Variants in TMEM132B observed in about 807,000 individuals in gnomAD.
TMEM132B encodes the protein transmembrane protein 132B.
Under a neutral mutation model 90.8 loss-of-function variants are expected in TMEM132B, and 18 were observed. The ratio of observed to expected loss-of-function variants is 0.20; its 90% CI spans 0.14 to 0.29. TMEM132B has a LOEUF of 0.29. TMEM132B is among the 10% of genes least tolerant of loss of function. The probability of loss-of-function intolerance (pLI) is 1.00; values close to 1 mark genes in which losing one functional copy is unlikely to be tolerated. For synonymous variants in TMEM132B, 504 were observed against 523.3 expected, an observed-to-expected ratio of 0.96 and a Z score of 0.50; for missense variants, 1,096 against 1,326.8, an observed-to-expected ratio of 0.83 and a Z score of 2.70.
chr12:125,417,396 G>A (rs1880046954), intron 3 of TMEM132B, among the ~76,000 whole-genome samples: 1 of 152,200 alleles, frequency 6.6e-6, no homozygotes, highest in Non-Finnish European at 1.5e-5. Context: ...GCTTTGTAGT[G>A]GGAAATGGTC....
At chr12:125,442,007 T>C (rs1367545760) in intron 3 of TMEM132B, among the ~76,000 whole-genome samples, 1 of 152,226 alleles carries the variant, frequency 6.6e-6, no homozygotes, top group Non-Finnish European at 1.5e-5. Flanking sequence ...AATACACCAT[T>C]AGGGGAATGA....
intron 2 of TMEM132B, among the ~76,000 whole-genome samples, chr12:125,402,839 A>G (rs1488986031): frequency 6.6e-6 from 1 of 152,200 alleles, no homozygotes; most frequent in African/African-American, 2.4e-5. Flanking sequence ...TATGTAATGA[A>G]GAACCTATGG....
chr12:125,371,207 G>A (rs929564937), intron 2 of TMEM132B, among the ~76,000 whole-genome samples: 1 of 152,178 alleles, frequency 6.6e-6, no homozygotes, highest in South Asian at 2.1e-4. Context: ...AGCCACACTG[G>A]CAGCTGATTG....
chr12:125,439,418 C>CT (rs1201057676), intron 3 of TMEM132B, among the ~76,000 whole-genome samples: 1 of 152,072 alleles, frequency 6.6e-6, no homozygotes, highest in Non-Finnish European at 1.5e-5. Flanking sequence ...GTATTTCATT[C>CT]TTTTTGTGGC....
chr12:125,212,899 AT>A lies in TMEM132B; in HGVS notation c.67+26044del, dbSNP rs902016797. Among the ~76,000 whole-genome samples the A allele has an allele frequency of 4.1e-4, 61 of 148,128 alleles. No homozygotes were observed. In the East Asian group the frequency reaches 4.3e-3, roughly 10 times the overall value. ...CGACAGGGTCTAACTGTTTCACTTC[AT>A]TTTTTTTTTTAAGTTTTTCTAAAAA... On this transcript the variant is annotated intron_variant, in intron 1 of 8. Coordinates refer to ENST00000682704, the MANE Select transcript of TMEM132B (RefSeq NM_001366854.1).
intron 5 of TMEM132B, among the ~76,000 whole-genome samples, chr12:125,635,335 C>T (rs1184195844): frequency 2.0e-5 from 3 of 152,252 alleles, no homozygotes; most frequent in Admixed American, 1.3e-4. Context: ...TGTTCCCCTC[C>T]CTGTGTCCAT....
chr12:125,622,500 T>A, intron 5 of TMEM132B: 1 of 985,384 alleles, frequency 1.0e-6, no homozygotes, highest in Non-Finnish European at 1.2e-6. Flanking sequence ...GGACTCACAG[T>A]CAAGAAAGGT....
chr12:125,375,830 C>T (rs944056788), intron 2 of TMEM132B, among the ~76,000 whole-genome samples: 2 of 152,192 alleles, frequency 1.3e-5, no homozygotes, highest in African/African-American at 4.8e-5. Context: ...CCTTTCTCTC[C>T]AATAGTTATC....
At chr12:125,295,583 G>T (rs1875654734) in intron 1 of TMEM132B, among the ~76,000 whole-genome samples, 1 of 150,992 alleles carries the variant, frequency 6.6e-6, no homozygotes, top group South Asian at 2.1e-4. Context: ...AGACTTGGGT[G>T]TCTGGGGCAG....
intron 3 of TMEM132B, among the ~76,000 whole-genome samples, chr12:125,454,695 A>C (rs1436291979): frequency 6.6e-6 from 1 of 152,234 alleles, no homozygotes; most frequent in Non-Finnish European, 1.5e-5. Context: ...TCCATTCTGG[A>C]TGATCCTGTT....
chr12:125,278,718 C>G (rs1237584650), intron 1 of TMEM132B, among the ~76,000 whole-genome samples: 1 of 151,936 alleles, frequency 6.6e-6, no homozygotes, highest in African/African-American at 2.4e-5. Context: ...TTTTTAAAGG[C>G]AAGATATGAA....
At chr12:125,468,265 A>G (rs57734743) in intron 3 of TMEM132B, among the ~76,000 whole-genome samples, 7 of 151,686 alleles carry the variant, frequency 4.6e-5, no homozygotes, top group Non-Finnish European at 1.0e-4. Context: ...ATCCTTGTCA[A>G]TATTTTTTCT....
At chr12:125,341,369 A>G (rs1877174611) in intron 1 of TMEM132B, among the ~76,000 whole-genome samples, 3 of 152,232 alleles carry the variant, frequency 2.0e-5, no homozygotes. Flanking sequence ...TGTTTGATCT[A>G]TTACAAGGAT....
intron 1 of TMEM132B, among the ~76,000 whole-genome samples, chr12:125,289,597 G>A (rs939444395): frequency 1.3e-5 from 2 of 152,224 alleles, no homozygotes; most frequent in East Asian, 3.8e-4. Context: ...ATAGTGGCAT[G>A]GATCACACAC....
chr12:125,196,523 C>T (rs541902187), intron 1 of TMEM132B, among the ~76,000 whole-genome samples: 29 of 152,330 alleles, frequency 1.9e-4, no homozygotes, highest in African/African-American at 6.7e-4. Flanking sequence ...ACCTGGCCAA[C>T]ATAGCGAAAC....
At chr12:125,622,548 A>G in intron 5 of TMEM132B, 2 of 985,392 alleles carry the variant, frequency 2.0e-6, no homozygotes, top group Non-Finnish European at 2.4e-6. Context: ...ATGCTTTCAC[A>G]TCAAGCCTTC....
At chr12:125,431,964 C>G (rs1232393889) in intron 3 of TMEM132B, among the ~76,000 whole-genome samples, 4 of 152,098 alleles carry the variant, frequency 2.6e-5, no homozygotes, top group Non-Finnish European at 5.9e-5. Context: ...TTCTCTGGCT[C>G]TCGCTTTTGC....
chr12:125,554,427 TAAAAAAAAAAAAA>T (rs71447048), intron 4 of TMEM132B, among the ~76,000 whole-genome samples: 13 of 69,480 alleles, frequency 1.9e-4, no homozygotes, highest in African/African-American at 6.0e-4. Flanking sequence ...TCCATTTCAT[TAAAAAAAAAAAAA>T]AAAAAAAAAA....
intron 4 of TMEM132B, among the ~76,000 whole-genome samples, chr12:125,534,024 G>A (rs777985307): frequency 5.3e-5 from 8 of 152,228 alleles, no homozygotes; most frequent in Non-Finnish European, 1.0e-4. Context: ...GCAGAGAGAT[G>A]ACTGTGGCTG....
Sources: allele counts gnomAD v4.1 joint callset (sites outside exome capture counted in the v4.1 genomes callset), GRCh38; gene constraint gnomAD v4.1.1; transcripts MANE v1.5; gene names NCBI Gene and HGNC (gene_info 2026-07-23, HGNC 2026-07-21).